Variants in ATG5 observed in about 807,000 individuals in gnomAD.
The protein encoded by ATG5 is autophagy protein 5.
Under a neutral mutation model 36.5 loss-of-function variants are expected in ATG5, and 14 were observed. The observed-to-expected ratio is 0.38, with a 90% CI of 0.25 to 0.60. ATG5 has a LOEUF of 0.60. Among genes scored for constraint, ATG5 ranks in the 20% least tolerant of loss-of-function variants. ATG5 has a pLI of 0.60. For synonymous variants in ATG5, 95 were observed against 101.5 expected, an observed-to-expected ratio of 0.94 and a Z score of 0.38; for missense variants, 195 against 326.7, an observed-to-expected ratio of 0.60 and a Z score of 3.11.
chr6:106,269,287 G>A (rs552476395), intron 5 of ATG5, among the ~76,000 whole-genome samples: 7 of 152,296 alleles, frequency 4.6e-5, no homozygotes, highest in Non-Finnish European at 8.8e-5. Context: ...GCTGATTGGT[G>A]TATTTACAAC....
intron 6 of ATG5, among the ~76,000 whole-genome samples, chr6:106,233,008 C>T (rs1456850539): frequency 1.3e-5 from 2 of 152,162 alleles, no homozygotes; most frequent in African/African-American, 2.4e-5. Context: ...AAGACTTGAG[C>T]CGGTTCTCAT....
chr6:106,217,282 C>T (rs1016767420), intron 6 of ATG5, among the ~76,000 whole-genome samples: 3 of 151,928 alleles, frequency 2.0e-5, no homozygotes, highest in Non-Finnish European at 2.9e-5. Flanking sequence ...TAACTGTTCA[C>T]CAAAACTCAT....
At chr6:106,308,339 T>G in intron 3 of ATG5, 25 bp downstream of exon 3, 3 of 1,541,462 alleles carry the variant, frequency 1.9e-6, no homozygotes, top group Non-Finnish European at 2.6e-6. Flanking sequence ...ACTTAATGCT[T>G]AATAATGCAG....
At chr6:106,319,151 A>C (rs752482019) in intron 1 of ATG5, among the ~76,000 whole-genome samples, 1 of 152,228 alleles carries the variant, frequency 6.6e-6, no homozygotes. Context: ...ACAAGAATTA[A>C]ATGAATACAT....
At chr6:106,248,926 G>A (rs900889775) in intron 5 of ATG5, among the ~76,000 whole-genome samples, 1 of 152,034 alleles carries the variant, frequency 6.6e-6, no homozygotes, top group Non-Finnish European at 1.5e-5. Flanking sequence ...CAACAAGAGC[G>A]AAACTCCGTC....
intron 2 of ATG5, among the ~76,000 whole-genome samples, chr6:106,310,821 T>C (rs1770618304): frequency 6.6e-6 from 1 of 152,212 alleles, no homozygotes; most frequent in South Asian, 2.1e-4. Flanking sequence ...AGTGCCTGGT[T>C]TATTTCACTT....
chr6:106,305,229 ATT>A (rs1770396512), intron 3 of ATG5, among the ~76,000 whole-genome samples: 1 of 152,356 alleles, frequency 6.6e-6, no homozygotes, highest in African/African-American at 2.4e-5. Flanking sequence ...AGGAAAAATA[ATT>A]TGTTTTAAGA....
chr6:106,254,994 C>G (rs538723672), intron 5 of ATG5, among the ~76,000 whole-genome samples: 1 of 152,322 alleles, frequency 6.6e-6, no homozygotes, highest in South Asian at 2.1e-4. Flanking sequence ...CCCTCTATGT[C>G]CCTTTTGCTT....
intron 6 of ATG5, among the ~76,000 whole-genome samples, chr6:106,209,476 G>C (rs190134556): frequency 6.6e-6 from 1 of 152,294 alleles, no homozygotes; most frequent in African/African-American, 2.4e-5. Flanking sequence ...TTAGTGAAAT[G>C]ACAAAAATTT....
rs146921483 is a variant in ATG5, at chr6:106,218,699, A to T, written c.574-16610T>A. On this transcript the variant is annotated intron_variant, in intron 6 of 7. Transcript: ENST00000369076. ...TAGTGAAGAGTATGAATGCTGCAAT[A>T]CATAAGCAGACGTCAGAATTGTCCC... Among the ~76,000 whole-genome samples the T allele has an allele frequency of 1.1e-3, 163 of 152,292 alleles. 1 individual carries two copies. In the East Asian group the frequency reaches 0.03, roughly 28 times the overall value.
Position 106,186,779 on chromosome 6 carries a change from A to G in ATG5, c.692-103T>C. Reference sequence around the variant, plus strand: ...CCTTAGTGCATTAAATGGATTTTAAACATGTTTTGTCCCCTGAACAGGAAA... The same window carrying G: ...CCTTAGTGCATTAAATGGATTTTAAGCATGTTTTGTCCCCTGAACAGGAAA... On this transcript the variant is annotated intron_variant, in intron 7 of 7. Coordinates refer to ENST00000369076, the MANE Select transcript of ATG5 (RefSeq NM_004849.4). 3.7e-6 allele frequency: 5 copies of G among 1,341,218 alleles called. No homozygotes were observed. The South Asian group carries it at 5.3e-5, about 14-fold the overall frequency. 83.1% of individuals were successfully genotyped at this position (1,341,218 alleles called of 1,614,324 possible).
At chr6:106,324,601 G>A (rs1322799755) in intron 1 of ATG5, among the ~76,000 whole-genome samples, 1 of 152,078 alleles carries the variant, frequency 6.6e-6, no homozygotes, top group Non-Finnish European at 1.5e-5. Context: ...TCAGTTTGGG[G>A]GAAATTAATG....
At chr6:106,304,007 C>T (rs1334022624) in intron 3 of ATG5, among the ~76,000 whole-genome samples, 2 of 150,814 alleles carry the variant, frequency 1.3e-5, no homozygotes, top group African/African-American at 4.9e-5. Flanking sequence ...AAATAAAAGG[C>T]CTACAGATTG....
At chr6:106,304,472 A>G (rs1388639608) in intron 3 of ATG5, among the ~76,000 whole-genome samples, 6 of 152,216 alleles carry the variant, frequency 3.9e-5, no homozygotes, top group African/African-American at 1.4e-4. Flanking sequence ...GTATAACCAT[A>G]CAGTGGGATA....
At chr6:106,289,934 G>C (rs1780235973) in intron 4 of ATG5, among the ~76,000 whole-genome samples, 1 of 152,190 alleles carries the variant, frequency 6.6e-6, no homozygotes, top group South Asian at 2.1e-4. Flanking sequence ...GGCTCACAAA[G>C]ATATGTAGTT....
chr6:106,219,381 T>TA (rs1777156136), intron 6 of ATG5, among the ~76,000 whole-genome samples: 1 of 152,204 alleles, frequency 6.6e-6, no homozygotes, highest in Non-Finnish European at 1.5e-5. Context: ...TCATGCACAT[T>TA]AACTCAGCCA....
At chr6:106,198,336 T>A (rs1776283101) in intron 7 of ATG5, among the ~76,000 whole-genome samples, 1 of 152,162 alleles carries the variant, frequency 6.6e-6, no homozygotes, top group African/African-American at 2.4e-5. Flanking sequence ...TTTACTAAAT[T>A]CCTTTATATA....
intron 6 of ATG5, among the ~76,000 whole-genome samples, chr6:106,210,820 C>T (rs565832363): frequency 6.6e-6 from 1 of 152,174 alleles, no homozygotes; most frequent in South Asian, 2.1e-4. Context: ...ACAATTAATT[C>T]ATATAAAGTA....
chr6:106,320,656 A>T (rs1262392174), intron 1 of ATG5, among the ~76,000 whole-genome samples: 1 of 151,936 alleles, frequency 6.6e-6, no homozygotes, highest in Non-Finnish European at 1.5e-5. Context: ...AGTGTTTGAT[A>T]CAATAATGGA....
Sources: gnomAD v4.1 joint callset for allele counts (sites outside exome capture counted in the v4.1 genomes callset) on GRCh38, gnomAD v4.1.1 for gene constraint, MANE v1.5 for transcripts, NCBI Gene and HGNC (gene_info 2026-07-23, HGNC 2026-07-21) for gene names.